Variants in ABHD11 observed in about 807,000 individuals in gnomAD.
ABHD11 encodes sn-1-specific diacylglycerol lipase ABHD11.
Under a neutral mutation model 29.0 loss-of-function variants are expected in ABHD11, and 26 were observed. The observed-to-expected ratio is 0.90, with a 90% confidence interval of 0.66 to 1.24. The LOEUF (loss-of-function observed/expected upper bound fraction) is 1.24. ABHD11 is among the 50% of genes most tolerant of loss of function. The pLI is 0.00. For synonymous variants in ABHD11, 169 were observed against 166.4 expected (o/e 1.02, Z -0.12); for missense variants, 381 against 422.4 (o/e 0.90, Z 0.86).
In ABHD11 at chr7:73,737,360, T is replaced by C. The variant is rs782018129; in HGVS notation, c.467A>G (p.Asp156Gly). The change falls in exon 4 of 6, where the codon GAT (aspartate) becomes GGT (glycine). Residue 156 changes from aspartate to glycine, a missense_variant. Physicochemically the swap from Asp to Gly is moderately conservative, Grantham distance 94 (BLOSUM62 -1). Transcript: ENST00000222800. The stretch of plus-strand genomic sequence containing the variant: ...ACCTGTGCTTTCCACTGGGCTGATA[T>C]CTACAGCAATGAGACGTTCCACCAG... ...PELVERLIAVDISPVESTGVS... is the reference protein window; with the variant it reads ...PELVERLIAVGISPVESTGVS... The C allele has an allele frequency of 2.5e-6, 4 of 1,613,596 alleles. No individual in the cohort carries two copies. The highest frequency in any genetic ancestry group is 4.5e-5 in the East Asian group (2 of 44,896).
intron 1 of ABHD11, 71 bp downstream of exon 1, chr7:73,738,575 G>C: frequency 1.3e-6 from 2 of 1,565,866 alleles, no homozygotes; most frequent in Non-Finnish European, 1.7e-6. Flanking sequence ...AAAGGGAGGA[G>C]ATGGGGCCGT....
intron 2 of ABHD11, chr7:73,738,030 GAAGA>G (rs1563600521): frequency 1.3e-6 from 1 of 742,928 alleles, no homozygotes; most frequent in Non-Finnish European, 2.4e-6. Flanking sequence ...TAGGAGCACA[GAAGA>G]ATGGGCTGCC....
chr7:73,738,602 AAGG>A (rs782583565), intron 1 of ABHD11, 41 bp downstream of exon 1: 22 of 1,574,926 alleles, frequency 1.4e-5, no homozygotes, highest in Non-Finnish European at 1.7e-5. Context: ...CCGGCAGGAA[AAGG>A]AGGACAGAGG....
Position 73,736,448 on chromosome 7 carries a change from C to CA in ABHD11, c.*110dup. On this transcript the variant is annotated 3_prime_UTR_variant, in exon 6 of 6. Transcript: ENST00000222800. ...AGAGACAGGGTTTCACCATGTTGGC[C>CA]AGGCTGGTCTCCAACTCCTGGCCTC... The CA allele has an allele frequency of 1.4e-6, 2 of 1,431,366 alleles. No individual in the cohort carries two copies. The highest frequency in any genetic ancestry group is 1.9e-6 in the Non-Finnish European group (2 of 1,047,314). 88.7% of individuals were successfully genotyped at this position (1,431,366 alleles called of 1,614,324 possible). A position where few individuals can be genotyped will look rare whatever the true frequency, so the allele number is the denominator to read the frequency against.
chr7:73,737,616 G>A lies in ABHD11; in HGVS notation c.381C>T (p.Val127=), dbSNP rs782652516. Residue 127 remains valine (V), a synonymous_variant, in exon 3 of 6, where the codon GTC becomes GTT. Coordinates refer to ENST00000222800, the MANE Select transcript of ABHD11 (RefSeq NM_148912.4). ...TTCCTCCCATGCTGTGGCCAACGAC[G>A]ACGCAGGGCACCAGGCCCAGCTGGG... ...LLPQLGLVPC[V]VVGHSMGGKT... is the part of the protein sequence containing the mutation. 2.7e-5 allele frequency: 43 copies of A among 1,613,776 alleles called. No individual in the cohort carries two copies. In the Admixed American group the frequency reaches 4.5e-4, roughly 17 times the overall value.
chr7:73,738,091 C>G (rs1800114886), intron 2 of ABHD11: 1 of 803,322 alleles, frequency 1.2e-6, no homozygotes. Flanking sequence ...CAAGCAGGCC[C>G]CTTCATGGAA....
chr7:73,736,799 C>A, intron 5 of ABHD11, 108 bp from the exon 6 acceptor site: 1 of 1,582,674 alleles, frequency 6.3e-7, no homozygotes, highest in South Asian at 1.2e-5. Context: ...CTGTGTGAGC[C>A]CATATGCCCG....
intron 2 of ABHD11, 59 bp downstream of exon 2, chr7:73,738,269 C>T (rs3763433): frequency 7.3e-7 from 1 of 1,363,492 alleles, no homozygotes; most frequent in Non-Finnish European, 1.0e-6. Flanking sequence ...CCCGCCTCCT[C>T]TCAGGCCCCG....
rs1032223375 is a variant in ABHD11 at position 73,736,419 on chromosome 7, T to C, written c.*140A>G. 2 of 1,155,010 alleles carry C rather than the reference T, an allele frequency of 1.7e-6. No individual in the cohort carries two copies. Among genetic ancestry groups the C allele is most frequent in the African/African-American group, 3.1e-5 (2 of 64,514 alleles). 71.5% of individuals were successfully genotyped at this position (1,155,010 alleles called of 1,614,324 possible). Reference sequence around the variant, plus strand: ...CACGCCAGGCTAATTTTTGTATTTTTAGTAGAGACAGGGTTTCACCATGTT... The same window carrying C: ...CACGCCAGGCTAATTTTTGTATTTTCAGTAGAGACAGGGTTTCACCATGTT... On this transcript the variant is annotated 3_prime_UTR_variant, in exon 6 of 6. Transcript: ENST00000222800.
chr7:73,737,882 G>C, intron 2 of ABHD11, 147 bp from the exon 3 acceptor site: 1 of 1,258,200 alleles, frequency 7.9e-7, no homozygotes, highest in Non-Finnish European at 1.1e-6. Context: ...AGACCTAGGA[G>C]GCCCAGATGA....
At position 73,737,365 on chromosome 7, in the gene ABHD11, A is replaced by T; in HGVS notation, c.462T>A (p.Ala154=). Residue 154 remains alanine, a synonymous_variant, in exon 4 of 6, where the codon GCT becomes GCA. Coordinates refer to ENST00000222800, the MANE Select transcript of ABHD11 (RefSeq NM_148912.4). ...QRPELVERLI[A]VDISPVESTG... The stretch of plus-strand genomic sequence containing the variant: ...TGCTTTCCACTGGGCTGATATCTAC[A>T]GCAATGAGACGTTCCACCAGCTCTG... The T allele has an allele frequency of 6.2e-7, 1 of 1,613,400 alleles. No individual in the cohort carries two copies. The highest frequency in any genetic ancestry group is 8.5e-7 in the Non-Finnish European group (1 of 1,179,624).
At chr7:73,738,248 A>T in intron 2 of ABHD11, 80 bp downstream of exon 2, 1 of 1,222,002 alleles carries the variant, frequency 8.2e-7, no homozygotes, top group East Asian at 3.0e-5. Flanking sequence ...GAGAAGCGGG[A>T]CCCCCCCTGC....
At position 73,738,341 on chromosome 7, in the gene ABHD11, T is replaced by C. The variant is rs782044754; in HGVS notation, c.248A>G (p.Gln83Arg). The change falls in exon 2 of 6, where the codon CAG becomes CGG. Residue 83 changes from glutamine to arginine, a missense_variant. Coordinates refer to ENST00000222800, the MANE Select transcript of ABHD11 (RefSeq NM_148912.4). ...TCGAAAGCTCACCCTACGGCCTGTC[T>C]GCTGGGCCAAGATCTTGGCGATGGA... ...FNSIAKILAQ[Q>R]TGRRVLTVDA... The C allele has an allele frequency of 2.0e-6, 3 of 1,471,092 alleles. No individual in the cohort carries two copies. Among genetic ancestry groups the C allele is most frequent in the South Asian group, 1.1e-5 (1 of 89,138 alleles). The allele number at this position is 1,471,092 out of a possible 1,614,324, so 91.1% of individuals were successfully genotyped here. A position where few individuals can be genotyped will look rare whatever the true frequency, so the allele number is the denominator to read the frequency against.
chr7:73,738,035 A>C, intron 2 of ABHD11: 1 of 738,158 alleles, frequency 1.4e-6, no homozygotes, highest in Non-Finnish European at 2.5e-6. Context: ...GCACAGAAGA[A>C]TGGGCTGCCA....
intron 4 of ABHD11, 21 bp downstream of exon 4, chr7:73,737,199 CG>C: frequency 6.2e-7 from 1 of 1,613,872 alleles, no homozygotes; most frequent in East Asian, 2.2e-5. Context: ...CAATACCATC[CG>C]GGGCACCTTG....
At chr7:73,737,147 C>A in intron 4 of ABHD11, 37 bp from the exon 5 acceptor site, 1 of 1,613,378 alleles carries the variant, frequency 6.2e-7, no homozygotes, top group Non-Finnish European at 8.5e-7. Flanking sequence ...GTTCCTTGTG[C>A]GGTCTGGGGG....
Position 73,738,473 on chromosome 7 carries a change from G to A in ABHD11, c.126-10C>T, listed in dbSNP as rs1405188013. 6.2e-7 allele frequency: 1 copy of A among 1,607,480 alleles called. No homozygotes were observed. The highest frequency in any genetic ancestry group is 8.5e-7 in the Non-Finnish European group (1 of 1,176,874). On this transcript the variant is annotated splice_polypyrimidine_tract_variant and intron_variant, in intron 1 of 5. Coordinates refer to ENST00000222800, the MANE Select transcript of ABHD11 (RefSeq NM_148912.4). The stretch of plus-strand genomic sequence containing the variant: ...GGAAAGCGGAAGCGGCCTGGCAGGG[G>A]AAGGATCGAGGTCAGAGTCTGAGCC...
chr7:73,737,631 G>T lies in ABHD11; in HGVS notation c.366C>A (p.Gly122=). The part of the protein sequence containing the change: ...QDLQDLLPQL[G]LVPCVVVGHS... The stretch of plus-strand genomic sequence containing the variant: ...GGCCAACGACGACGCAGGGCACCAG[G>T]CCCAGCTGGGGCAGAAGGTCCTGCA... The change falls in exon 3 of 6, where the codon GGC becomes GGA. Residue 122 remains glycine, a synonymous_variant. Transcript: ENST00000222800. 3 of 1,614,038 alleles carry T rather than the reference G, an allele frequency of 1.9e-6. No homozygotes were observed. The highest frequency in any genetic ancestry group is 2.5e-6 in the Non-Finnish European group (3 of 1,179,978).
rs1800162868 is a variant in ABHD11 at position 73,738,337 on chromosome 7, T to C, written c.252A>G (p.Thr84=). ...CCACTCGAAAGCTCACCCTACGGCC[T>C]GTCTGCTGGGCCAAGATCTTGGCGA... ...NSIAKILAQQ[T]GRRVLTVDAR... The change falls in exon 2 of 6, where the codon ACA becomes ACG. Residue 84 remains threonine, a synonymous_variant. Transcript: ENST00000222800. The C allele has an allele frequency of 1.4e-6, 2 of 1,428,726 alleles. No homozygotes were observed. Among genetic ancestry groups the C allele is most frequent in the South Asian group, 1.1e-5 (1 of 88,528 alleles). 88.5% of individuals were successfully genotyped at this position (1,428,726 alleles called of 1,614,324 possible). A position where few individuals can be genotyped will look rare whatever the true frequency, so the allele number is the denominator to read the frequency against.
Sources: gnomAD v4.1 joint callset for allele counts on GRCh38, gnomAD v4.1.1 for gene constraint, MANE v1.5 for transcripts, NCBI Gene and HGNC (gene_info 2026-07-23, HGNC 2026-07-21) for gene names.